The following ZNF644 variants were observed in gnomAD, a reference collection of about 807,000 sequenced individuals.
ZNF644 encodes the protein zinc finger motif enhancer binding protein 2.
ZNF644 carries 20 observed loss-of-function variants against 108.0 expected under a neutral mutation model. That is an observed-to-expected ratio of 0.19 (90% confidence interval 0.13 to 0.27). ZNF644 has a LOEUF of 0.27. ZNF644 is among the 10% of genes least tolerant of loss of function. ZNF644 has a pLI of 1.00. For synonymous variants in ZNF644, 542 were observed against 539.1 expected, an observed-to-expected ratio of 1.01 and a Z score of -0.08; for missense variants, 1,338 against 1,548.9, an observed-to-expected ratio of 0.86 and a Z score of 2.29.
Position 90,933,947 on chromosome 1 carries a change from T to C in ZNF644, c.3688+3538A>G, listed in dbSNP as rs565454711. Among the ~76,000 whole-genome samples, 8 of 152,292 alleles carry C rather than the reference T, an allele frequency of 5.3e-5. No homozygotes were observed. The East Asian group carries it at 1.5e-3, about 29-fold the overall frequency. On this transcript the variant is annotated intron_variant, in intron 4 of 5. Coordinates refer to ENST00000337393, the MANE Select transcript of ZNF644 (RefSeq NM_201269.3). ...CCAGTACCTACAACTTGTATGGCTGTTGTAAAGATTAAATGTTATGCATGT... is the reference window on the plus strand; with the variant it reads ...CCAGTACCTACAACTTGTATGGCTGCTGTAAAGATTAAATGTTATGCATGT...
At chr1:90,964,196 CCTTT>C (rs1424386945) in intron 2 of ZNF644, among the ~76,000 whole-genome samples, 1 of 151,836 alleles carries the variant, frequency 6.6e-6, no homozygotes, top group African/African-American at 2.4e-5. Context: ...TTTCTGTTTT[CCTTT>C]AAGTTTTACA....
rs1373045344 is a variant in ZNF644 at position 90,949,272 on chromosome 1, T to TA, written c.45-7964dup. On this transcript the variant is annotated intron_variant, in intron 2 of 5. Coordinates refer to ENST00000337393, the MANE Select transcript of ZNF644 (RefSeq NM_201269.3). ...GGAAAAGTATGACATCTTTGAGAAC[T>TA]AAAAAAAAGAACAAAACTGAAAGTG... Among the ~76,000 whole-genome samples the TA allele has an allele frequency of 9.2e-5, 14 of 151,664 alleles. No individual in the cohort carries two copies. The South Asian group carries it at 1.9e-3, about 20-fold the overall frequency.
intron 1 of ZNF644, among the ~76,000 whole-genome samples, chr1:90,985,463 A>ACT (rs1348446391): frequency 6.6e-6 from 1 of 151,842 alleles, no homozygotes; most frequent in African/African-American, 2.4e-5. Context: ...TGCCCCATCC[A>ACT]CTCCCCAACC....
intron 1 of ZNF644, among the ~76,000 whole-genome samples, chr1:90,995,479 AAAT>A (rs1658066454): frequency 6.6e-6 from 1 of 152,160 alleles, no homozygotes; most frequent in Admixed American, 6.5e-5. Flanking sequence ...TTTGTTGATG[AAAT>A]AATGGCCAAA....
chr1:90,925,376 T>G (rs1031929530), intron 4 of ZNF644, among the ~76,000 whole-genome samples: 1 of 152,158 alleles, frequency 6.6e-6, no homozygotes, highest in Admixed American at 6.6e-5. Flanking sequence ...ACCGCTTTTT[T>G]TCTTAAAAAT....
At chr1:91,005,386 A>C (rs927514987) in intron 1 of ZNF644, among the ~76,000 whole-genome samples, 2 of 152,150 alleles carry the variant, frequency 1.3e-5, no homozygotes, top group Admixed American at 6.5e-5. Flanking sequence ...ATAGTTAGAA[A>C]CCTTAATACT....
intron 2 of ZNF644, chr1:90,972,637 G>A (rs899148838): frequency 2.6e-5 from 4 of 152,154 alleles, no homozygotes; most frequent in Non-Finnish European, 4.4e-5. Flanking sequence ...AAAATTGAAA[G>A]CAAGGTCTTG....
intron 2 of ZNF644, among the ~76,000 whole-genome samples, chr1:90,966,964 A>G (rs1479246702): frequency 2.0e-5 from 3 of 152,134 alleles, no homozygotes; most frequent in African/African-American, 7.2e-5. Flanking sequence ...CTGACTTCTA[A>G]GTAGAATCTA....
intron 1 of ZNF644, among the ~76,000 whole-genome samples, chr1:91,000,561 C>A (rs1658662747): frequency 1.3e-5 from 2 of 152,010 alleles, no homozygotes; most frequent in African/African-American, 4.8e-5. Flanking sequence ...AAATTTATAG[C>A]ACTAAATGCC....
intron 2 of ZNF644, among the ~76,000 whole-genome samples, chr1:90,942,753 T>C (rs1453449857): frequency 2.6e-5 from 4 of 152,230 alleles, no homozygotes; most frequent in African/African-American, 4.8e-5. Context: ...GTAATTTTCA[T>C]GTACAATTTA....
chr1:91,006,916 CCA>C (rs1297211552), intron 1 of ZNF644, among the ~76,000 whole-genome samples: 23 of 152,200 alleles, frequency 1.5e-4, no homozygotes, highest in African/African-American at 5.5e-4. Flanking sequence ...TAGCCTCCTC[CCA>C]CACTTGATAG....
At chr1:90,920,234 T>TA (rs1379063201) in intron 4 of ZNF644, among the ~76,000 whole-genome samples, 1 of 152,036 alleles carries the variant, frequency 6.6e-6, no homozygotes, top group Non-Finnish European at 1.5e-5. Flanking sequence ...GGTAGAATCT[T>TA]ACTTTGATGA....
rs190460804 is a variant in ZNF644, at chr1:90,999,449, A to G, written c.-17-17079T>C. On this transcript the variant is annotated intron_variant, in intron 1 of 5. Transcript: ENST00000337393. Reference sequence around the variant, plus strand: ...TTCATAGCCAGCCAAACTAAGCTTCATAAGTGAAGGAGAAATAAAATCCTT... The same window carrying G: ...TTCATAGCCAGCCAAACTAAGCTTCGTAAGTGAAGGAGAAATAAAATCCTT... Among the ~76,000 whole-genome samples the G allele has an allele frequency of 4.3e-3, 649 of 152,358 alleles. 7 individuals are homozygous for G. Among genetic ancestry groups the G allele is most frequent in the Middle Eastern group, 0.034 (10 of 294 alleles).
chr1:90,969,487 A>G (rs1655248255), intron 2 of ZNF644, among the ~76,000 whole-genome samples: 1 of 152,320 alleles, frequency 6.6e-6, no homozygotes, highest in South Asian at 2.1e-4. Context: ...ATTAAATCGA[A>G]AATTCCAAAA....
At chr1:90,974,366 G>A (rs954060626) in intron 2 of ZNF644, among the ~76,000 whole-genome samples, 2 of 151,940 alleles carry the variant, frequency 1.3e-5, no homozygotes, top group Admixed American at 6.6e-5. Flanking sequence ...AAGATTTCAC[G>A]CTGATGATTC....
chr1:90,943,249 G>A (rs1339522719), intron 2 of ZNF644, among the ~76,000 whole-genome samples: 1 of 152,010 alleles, frequency 6.6e-6, no homozygotes, highest in Non-Finnish European at 1.5e-5. Context: ...ACACCATCCT[G>A]GCTAACATGG....
At chr1:90,960,876 G>A (rs1654268765) in intron 2 of ZNF644, among the ~76,000 whole-genome samples, 1 of 152,060 alleles carries the variant, frequency 6.6e-6, no homozygotes, top group South Asian at 2.1e-4. Context: ...AAACAAAGGA[G>A]TAACATCCTC....
chr1:90,988,646 C>A (rs1051179587), intron 1 of ZNF644, among the ~76,000 whole-genome samples: 2 of 152,042 alleles, frequency 1.3e-5, no homozygotes, highest in African/African-American at 4.8e-5. Context: ...ATACTAAATA[C>A]AAATAGTAAT....
chr1:91,002,130 T>A (rs570156075), intron 1 of ZNF644, among the ~76,000 whole-genome samples: 1 of 152,154 alleles, frequency 6.6e-6, no homozygotes, highest in South Asian at 2.1e-4. Flanking sequence ...TTCAATGCCA[T>A]CCCCAACAAG....
Sources: gnomAD v4.1 joint callset for allele counts (sites outside exome capture counted in the v4.1 genomes callset) on GRCh38, gnomAD v4.1.1 for gene constraint, MANE v1.5 for transcripts, NCBI Gene and HGNC (gene_info 2026-07-23, HGNC 2026-07-21) for gene names.